Variants in EPHB1 observed in about 807,000 individuals in gnomAD.
EPHB1 encodes EPH receptor B1.
EPHB1 carries 30 observed loss-of-function variants against 94.4 expected under a neutral mutation model. The ratio of observed to expected loss-of-function variants is 0.32; its 90% confidence interval spans 0.24 to 0.43. The LOEUF is 0.43. Ranked by LOEUF, EPHB1 falls within the 20% of genes least tolerant of loss-of-function variation. The pLI is 1.00. For missense variants in EPHB1, 1,055 were observed against 1,308.3 expected, an observed-to-expected ratio of 0.81 and a Z score of 2.99; for synonymous variants, 522 against 489.1, an observed-to-expected ratio of 1.07 and a Z score of -0.89.
chr3:134,824,783 C>T (rs1269227313), intron 1 of EPHB1, among the ~76,000 whole-genome samples: 1 of 152,116 alleles, frequency 6.6e-6, no homozygotes, highest in Non-Finnish European at 1.5e-5. Flanking sequence ...ATGGAGAGGC[C>T]ATGTATGGGT....
intron 10 of EPHB1, among the ~76,000 whole-genome samples, chr3:135,189,919 T>G (rs1190784388): frequency 2.6e-5 from 4 of 152,236 alleles, no homozygotes; most frequent in African/African-American, 9.6e-5. Flanking sequence ...CTTCTTTTGT[T>G]CTCACATGGA....
chr3:135,202,537 C>T (rs1942785770), intron 12 of EPHB1, among the ~76,000 whole-genome samples: 2 of 152,192 alleles, frequency 1.3e-5, no homozygotes, highest in Admixed American at 1.3e-4. Flanking sequence ...TGTCCCTTTC[C>T]TTTTGTCTCC....
chr3:135,084,056 A>G (rs1288373370), intron 3 of EPHB1, among the ~76,000 whole-genome samples: 1 of 151,934 alleles, frequency 6.6e-6, no homozygotes, highest in African/African-American at 2.4e-5. Context: ...TCAAGAATAG[A>G]TTTTTTTTCT....
chr3:134,921,932 A>C lies in EPHB1; in HGVS notation c.59-3884A>C, dbSNP rs145228948. 1.6e-3 allele frequency among the ~76,000 whole-genome samples: 243 copies of C among 152,322 alleles called. 2 individuals are homozygous for C. The highest frequency in any genetic ancestry group is 5.6e-3 in the African/African-American group (232 of 41,570). On this transcript the variant is annotated intron_variant, in intron 1 of 15. Transcript: ENST00000398015. Reference sequence around the variant, plus strand: ...GAGGTTGTATGACACGAGCAAGGTCATATCTCTTCTAGGTAGTGAAGATGG... The same window carrying C: ...GAGGTTGTATGACACGAGCAAGGTCCTATCTCTTCTAGGTAGTGAAGATGG...
intron 4 of EPHB1, among the ~76,000 whole-genome samples, chr3:135,118,351 TAA>T (rs1366377705): frequency 6.6e-6 from 1 of 152,236 alleles, no homozygotes; most frequent in East Asian, 1.9e-4. Context: ...TGGCATTTAT[TAA>T]AGTGTTGCTA....
At chr3:135,161,406 A>T in intron 6 of EPHB1, among the ~76,000 whole-genome samples, 1 of 152,188 alleles carries the variant, frequency 6.6e-6, no homozygotes, top group East Asian at 1.9e-4. Flanking sequence ...ACTCTCAGAC[A>T]CAGGGCAAGG....
intron 1 of EPHB1, among the ~76,000 whole-genome samples, chr3:134,869,536 G>A (rs34800270): frequency 6.6e-6 from 1 of 152,170 alleles, no homozygotes; most frequent in East Asian, 1.9e-4. Flanking sequence ...AGGTCAAGGG[G>A]ATGTGATGCC....
chr3:135,205,515 A>C (rs1451477814), intron 12 of EPHB1, among the ~76,000 whole-genome samples: 1 of 152,168 alleles, frequency 6.6e-6, no homozygotes, highest in Non-Finnish European at 1.5e-5. Flanking sequence ...AAGGCTATAA[A>C]ATATTTCCTG....
At chr3:135,203,710 T>C (rs903218453) in intron 12 of EPHB1, among the ~76,000 whole-genome samples, 33 of 152,244 alleles carry the variant, frequency 2.2e-4, no homozygotes, top group African/African-American at 7.7e-4. Flanking sequence ...TGTGCCTTCT[T>C]TGACATTTTT....
At chr3:134,930,388 CA>C (rs2038883306) in intron 2 of EPHB1, among the ~76,000 whole-genome samples, 1 of 152,228 alleles carries the variant, frequency 6.6e-6, no homozygotes, top group African/African-American at 2.4e-5. Flanking sequence ...TAATCTAAAT[CA>C]GGGGCTACCT....
At chr3:135,173,478 A>T (rs1187964061) in intron 9 of EPHB1, among the ~76,000 whole-genome samples, 1 of 152,072 alleles carries the variant, frequency 6.6e-6, no homozygotes, top group Non-Finnish European at 1.5e-5. Context: ...TCCTCCTCCC[A>T]CCCACTGCTT....
At chr3:134,810,475 G>A (rs2036149238) in intron 1 of EPHB1, among the ~76,000 whole-genome samples, 1 of 152,156 alleles carries the variant, frequency 6.6e-6, no homozygotes, top group Admixed American at 6.5e-5. Context: ...TTCAGGAAAG[G>A]ACAATGAGAA....
chr3:135,188,949 G>A (rs377431868), intron 10 of EPHB1, among the ~76,000 whole-genome samples: 3 of 152,170 alleles, frequency 2.0e-5, no homozygotes, highest in East Asian at 3.9e-4. Context: ...AGATTTCTGA[G>A]AGCAGTGACA....
chr3:135,028,350 T>C (rs932529636), intron 3 of EPHB1, among the ~76,000 whole-genome samples: 5 of 142,556 alleles, frequency 3.5e-5, no homozygotes, highest in Non-Finnish European at 6.1e-5. Context: ...CTGCTTTCTC[T>C]TGTAGGCATT....
intron 1 of EPHB1, among the ~76,000 whole-genome samples, chr3:134,882,751 TTTCTTCCTTCCTTC>T (rs1359366901): frequency 0.018 from 948 of 53,364 alleles, 65 homozygotes; most frequent in African/African-American, 0.077. Flanking sequence ...TCTTTCTTCC[TTTCTTCCTTCCTTC>T]CTTTCTTTCT....
Position 135,054,038 on chromosome 3 carries a change from T to TACACACAC in EPHB1, c.806-52409_806-52408insCACACACA, listed in dbSNP as rs113249083. Among the ~76,000 whole-genome samples the TACACACAC allele has an allele frequency of 4.7e-3, 506 of 107,552 alleles. 1 individual carries two copies. The highest frequency in any genetic ancestry group is 9.1e-3 in the East Asian group (43 of 4,742). 70.6% of individuals were successfully genotyped at this position (107,552 alleles called of 152,430 possible). A position where few individuals can be genotyped will look rare whatever the true frequency, so the allele number is the denominator to read the frequency against. On this transcript the variant is annotated intron_variant, in intron 3 of 15. Transcript: ENST00000398015. ...ATGTGTGTCTGCATATATATATATA[T>TACACACAC]ATACACACACACACACACACACACA...
At position 134,871,548 on chromosome 3, in the gene EPHB1, C is replaced by T. The variant is rs564583803; in HGVS notation, c.59-54268C>T. On this transcript the variant is annotated intron_variant, in intron 1 of 15. Transcript: ENST00000398015. ...TTCTTCACCATTATAATAATAATGA[C>T]CATATTCATTATTTATTATTTACTA... 2.0e-5 allele frequency among the ~76,000 whole-genome samples: 3 copies of T among 152,186 alleles called. No homozygotes were observed. In the South Asian group the frequency reaches 6.3e-4, roughly 32 times the overall value.
intron 2 of EPHB1, among the ~76,000 whole-genome samples, chr3:134,932,567 C>A (rs1037096892): frequency 6.6e-6 from 1 of 152,156 alleles, no homozygotes; most frequent in Non-Finnish European, 1.5e-5. Flanking sequence ...CCTGTGTGAT[C>A]TTGGGTCTGT....
chr3:134,991,345 C>T (rs958003322), intron 3 of EPHB1, among the ~76,000 whole-genome samples: 7 of 152,300 alleles, frequency 4.6e-5, no homozygotes, highest in Middle Eastern at 6.8e-3. Context: ...TGCACTATCA[C>T]TGTCTTCTCT....
Sources: allele counts gnomAD v4.1 joint callset (sites outside exome capture counted in the v4.1 genomes callset), GRCh38; gene constraint gnomAD v4.1.1; transcripts MANE v1.5; gene names NCBI Gene and HGNC (gene_info 2026-07-23, HGNC 2026-07-21).